Variants in HPSE2 observed in about 807,000 individuals in gnomAD.
HPSE2 encodes the protein inactive heparanase-2.
Under a neutral mutation model 60.5 loss-of-function variants are expected in HPSE2, and 38 were observed. That is an observed-to-expected ratio of 0.63 (90% confidence interval 0.48 to 0.82). The LOEUF (loss-of-function observed/expected upper bound fraction) is 0.82, where lower values mean the gene tolerates loss of function less well. HPSE2 is among the 40% of genes least tolerant of loss of function. HPSE2 has a pLI of 0.00. For synonymous variants in HPSE2, 295 were observed against 293.2 expected (o/e 1.01, Z -0.06); for missense variants, 713 against 740.4 (o/e 0.96, Z 0.43).
chr10:98,763,460 C>A (rs1950051153), intron 3 of HPSE2, among the ~76,000 whole-genome samples: 1 of 151,650 alleles, frequency 6.6e-6, no homozygotes, highest in South Asian at 2.1e-4. Context: ...TTGAAAATAG[C>A]CAGAGAAAAG....
Position 99,126,911 on chromosome 10 carries a change from C to G in HPSE2, c.610+17327G>C, listed in dbSNP as rs1845185318. Among the ~76,000 whole-genome samples, 1 of 152,166 alleles carries G rather than the reference C, an allele frequency of 6.6e-6. No individual in the cohort carries two copies. Among genetic ancestry groups the G allele is most frequent in the South Asian group, 2.1e-4 (1 of 4,824 alleles). On this transcript the variant is annotated intron_variant, in intron 3 of 11. Coordinates refer to ENST00000370552, the MANE Select transcript of HPSE2 (RefSeq NM_021828.5). The surrounding 1 kb of genome is among the most constrained non-coding windows in gnomAD (Gnocchi z 4.0). Reference sequence around the variant, plus strand: ...GAAGGGCAATAATGATCATTGCAGTCTGGCTCCCAGAAAGCCCCATCCCTA... The same window carrying G: ...GAAGGGCAATAATGATCATTGCAGTGTGGCTCCCAGAAAGCCCCATCCCTA...
chr10:98,578,025 T>C (rs1944689646), intron 9 of HPSE2, among the ~76,000 whole-genome samples: 1 of 152,228 alleles, frequency 6.6e-6, no homozygotes, highest in East Asian at 1.9e-4. Context: ...CTATCTGTCC[T>C]TGACATTTCT....
At chr10:98,981,076 AT>A (rs1338737266) in intron 3 of HPSE2, among the ~76,000 whole-genome samples, 1 of 152,184 alleles carries the variant, frequency 6.6e-6, no homozygotes, top group Admixed American at 6.5e-5. Context: ...TATTAAGTAG[AT>A]GAAATATCAA....
At chr10:98,474,972 G>C (rs1047115184) in intron 11 of HPSE2, among the ~76,000 whole-genome samples, 2 of 152,126 alleles carry the variant, frequency 1.3e-5, no homozygotes, top group African/African-American at 4.8e-5. Context: ...AATAGCTCTT[G>C]AAAGCCAGGT....
At chr10:99,152,390 A>G (rs571284918) in intron 2 of HPSE2, among the ~76,000 whole-genome samples, 92 of 152,124 alleles carry the variant, frequency 6.0e-4, no homozygotes, top group Middle Eastern at 3.4e-3. Flanking sequence ...GAAGTGCTTC[A>G]GGTTAAAAGG....
chr10:98,996,274 T>C (rs1956640182), intron 3 of HPSE2, among the ~76,000 whole-genome samples: 1 of 152,148 alleles, frequency 6.6e-6, no homozygotes, highest in Non-Finnish European at 1.5e-5. Flanking sequence ...AAATCCAAAA[T>C]TGTTTGAAAA....
intron 3 of HPSE2, among the ~76,000 whole-genome samples, chr10:98,947,589 T>A (rs906929976): frequency 6.6e-5 from 10 of 152,160 alleles, no homozygotes; most frequent in African/African-American, 2.4e-4. Context: ...AAGTGCCATA[T>A]TCTAGAATAA....
intron 9 of HPSE2, among the ~76,000 whole-genome samples, chr10:98,580,863 T>TGTGTGTGTGTGTGTGA (rs758991622): frequency 1.1e-4 from 15 of 142,648 alleles, no homozygotes; most frequent in African/African-American, 3.4e-4. Context: ...TGTGTGTGTG[T>TGTGTGTGTGTGTGTGA]GATAAACATG....
At chr10:99,107,869 A>G (rs545465894) in intron 3 of HPSE2, among the ~76,000 whole-genome samples, 2 of 152,336 alleles carry the variant, frequency 1.3e-5, no homozygotes, top group African/African-American at 2.4e-5. Context: ...AACACTAAGT[A>G]TTTCCTGGAT....
At chr10:98,850,269 A>C (rs1952137500) in intron 3 of HPSE2, among the ~76,000 whole-genome samples, 1 of 152,146 alleles carries the variant, frequency 6.6e-6, no homozygotes, top group Non-Finnish European at 1.5e-5. Context: ...TTTCTATCTG[A>C]CATTGTTCAA....
chr10:98,882,297 T>C (rs960540273), intron 3 of HPSE2, among the ~76,000 whole-genome samples: 1 of 152,072 alleles, frequency 6.6e-6, no homozygotes, highest in African/African-American at 2.4e-5. Flanking sequence ...TTGAAGACTA[T>C]TGAGTTTGGG....
intron 11 of HPSE2, among the ~76,000 whole-genome samples, chr10:98,461,199 G>T (rs1351557106): frequency 7.9e-5 from 12 of 152,260 alleles, no homozygotes. Flanking sequence ...AATTCCCAGA[G>T]ATAAGTGTGT....
At chr10:99,059,383 T>G (rs1252038602) in intron 3 of HPSE2, among the ~76,000 whole-genome samples, 1 of 152,228 alleles carries the variant, frequency 6.6e-6, no homozygotes, top group African/African-American at 2.4e-5. Context: ...AATATATATC[T>G]GAAATAAATT....
chr10:98,727,579 C>T (rs1284216947), intron 4 of HPSE2, among the ~76,000 whole-genome samples: 1 of 151,946 alleles, frequency 6.6e-6, no homozygotes, highest in East Asian at 1.9e-4. Context: ...TTGCTTGAAT[C>T]CAGGAGGCGG....
At chr10:98,865,573 G>A (rs1952567366) in intron 3 of HPSE2, among the ~76,000 whole-genome samples, 1 of 152,024 alleles carries the variant, frequency 6.6e-6, no homozygotes, top group Admixed American at 6.6e-5. Flanking sequence ...GAAGACCAAA[G>A]CACTTCATTC....
intron 3 of HPSE2, among the ~76,000 whole-genome samples, chr10:99,011,478 C>A (rs910961425): frequency 6.6e-6 from 1 of 151,880 alleles, no homozygotes; most frequent in African/African-American, 2.4e-5. Flanking sequence ...GATATACAGG[C>A]TGGGCGTGGT....
chr10:98,959,009 T>A (rs187392836), intron 3 of HPSE2, among the ~76,000 whole-genome samples: 1 of 152,152 alleles, frequency 6.6e-6, no homozygotes, highest in Admixed American at 6.6e-5. Flanking sequence ...TTTAAAGAGT[T>A]GATGTTAAGA....
At chr10:99,059,566 C>T (rs1183805780) in intron 3 of HPSE2, among the ~76,000 whole-genome samples, 5 of 152,076 alleles carry the variant, frequency 3.3e-5, no homozygotes, top group Admixed American at 6.6e-5. Flanking sequence ...GTACCAGTAC[C>T]TTTCTTTTCT....
At position 99,047,131 on chromosome 10, in the gene HPSE2, T is replaced by C. The variant is rs546803854; in HGVS notation, c.610+97107A>G. Among the ~76,000 whole-genome samples the C allele has an allele frequency of 2.6e-5, 4 of 151,892 alleles. No homozygotes were observed. The East Asian group carries it at 7.7e-4, about 29-fold the overall frequency. ...CTGGTATAAAAAACAGACACACAGATCCATGAAACAGAGTAGCAAACTCAA... is the reference window on the plus strand; with the variant it reads ...CTGGTATAAAAAACAGACACACAGACCCATGAAACAGAGTAGCAAACTCAA... On this transcript the variant is annotated intron_variant, in intron 3 of 11. Coordinates refer to ENST00000370552, the MANE Select transcript of HPSE2 (RefSeq NM_021828.5).
Sources: gnomAD v4.1 joint callset for allele counts (sites outside exome capture counted in the v4.1 genomes callset) on GRCh38, gnomAD v4.1.1 for gene constraint, Gnocchi (gnomAD v3.1) non-coding constraint, MANE v1.5 for transcripts, NCBI Gene and HGNC (gene_info 2026-07-23, HGNC 2026-07-21) for gene names.